Variants in GOLGA7B observed in about 807,000 individuals in gnomAD.
GOLGA7B encodes the protein golgin subfamily A member 7B.
Under a neutral mutation model 21.5 loss-of-function variants are expected in GOLGA7B, and 17 were observed. The observed-to-expected ratio is 0.79, with a 90% confidence interval of 0.54 to 1.19. The LOEUF (loss-of-function observed/expected upper bound fraction) is 1.19, where lower values mean the gene tolerates loss of function less well. Ranked by LOEUF, GOLGA7B falls within the 50% of genes most tolerant of loss-of-function variation. The pLI is 0.00. For synonymous variants in GOLGA7B, 87 were observed against 84.0 expected, an observed-to-expected ratio of 1.04 and a Z score of -0.19; for missense variants, 169 against 224.4, an observed-to-expected ratio of 0.75 and a Z score of 1.58.
chr10:97,858,865 C>A (rs1316232420), intron 1 of GOLGA7B, among the ~76,000 whole-genome samples: 48 of 152,224 alleles, frequency 3.2e-4, no homozygotes, highest in Admixed American at 3.1e-3. Context: ...GCCTGCAACT[C>A]TGTTGTGAGC....
intron 1 of GOLGA7B, among the ~76,000 whole-genome samples, chr10:97,856,964 T>C (rs2049938795): frequency 6.6e-6 from 1 of 152,224 alleles, no homozygotes; most frequent in African/African-American, 2.4e-5. Flanking sequence ...TCCTCATAGA[T>C]TCTGGATATT....
rs1209357912 is a variant in GOLGA7B, at chr10:97,868,852, C to CATA, written c.*3162_*3164dup. 2.0e-5 allele frequency: 3 copies of CATA among 152,156 alleles called. No homozygotes were observed. Among genetic ancestry groups the CATA allele is most frequent in the Non-Finnish European group, 4.4e-5 (3 of 68,040 alleles). 9.4% of individuals were successfully genotyped at this position (152,156 alleles called of 1,614,324 possible). On this transcript the variant is annotated 3_prime_UTR_variant, in exon 5 of 5. Coordinates refer to ENST00000370602, the MANE Select transcript of GOLGA7B (RefSeq NM_001010917.3). Reference sequence around the variant, plus strand: ...AACCCTTCCATTTTCAAATGGTAATCATAATAATAATAGTAGCTGACGTTT... The same window carrying CATA: ...AACCCTTCCATTTTCAAATGGTAATCATAATAATAATAATAGTAGCTGACGTTT...
intron 1 of GOLGA7B, among the ~76,000 whole-genome samples, chr10:97,852,212 T>C (rs899685286): frequency 6.6e-6 from 1 of 152,354 alleles, no homozygotes; most frequent in Non-Finnish European, 1.5e-5. Context: ...TGCTTTTTTT[T>C]CCTGCATCCA....
At chr10:97,858,471 CA>C (rs2049950198) in intron 1 of GOLGA7B, among the ~76,000 whole-genome samples, 1 of 152,134 alleles carries the variant, frequency 6.6e-6, no homozygotes, top group Admixed American at 6.5e-5. Flanking sequence ...ATATTTCAAC[CA>C]GTGGGATGCT....
Position 97,863,911 on chromosome 10 carries a change from G to C in GOLGA7B, c.139-19G>C. 6.2e-7 allele frequency: 1 copy of C among 1,603,402 alleles called. No homozygotes were observed. Among genetic ancestry groups the C allele is most frequent in the Non-Finnish European group, 8.5e-7 (1 of 1,174,246 alleles). On this transcript the variant is annotated intron_variant, in intron 2 of 4. Coordinates refer to ENST00000370602, the MANE Select transcript of GOLGA7B (RefSeq NM_001010917.3). ...CTCCAGGGAGGCTAACCGCAGCCTG[G>C]CTCTGTCCCTTTCTCCAGATCGAGC...
At position 97,870,953 on chromosome 10, in the gene GOLGA7B, C is replaced by T. The variant is rs2050086968; in HGVS notation, c.*5253C>T. 6.6e-6 allele frequency: 1 copy of T among 152,166 alleles called. No homozygotes were observed. Among genetic ancestry groups the T allele is most frequent in the Non-Finnish European group, 1.5e-5 (1 of 68,034 alleles). 9.4% of individuals were successfully genotyped at this position (152,166 alleles called of 1,614,324 possible). A position where few individuals can be genotyped will look rare whatever the true frequency, so the allele number is the denominator to read the frequency against. On this transcript the variant is annotated 3_prime_UTR_variant, in exon 5 of 5. Coordinates refer to ENST00000370602, the MANE Select transcript of GOLGA7B (RefSeq NM_001010917.3). ...GCAGATTCTCAAAGGGGTATGCAAC[C>T]CCCTAAAAAGGTTAAGAACAATTGG... is the stretch of plus-strand genomic sequence containing the variant.
intron 1 of GOLGA7B, among the ~76,000 whole-genome samples, chr10:97,850,936 C>CACTG (rs896716267): frequency 2.7e-5 from 4 of 150,372 alleles, no homozygotes; most frequent in Non-Finnish European, 5.9e-5. Context: ...CTTCAAGGTG[C>CACTG]ACTGATAGGT....
chr10:97,865,394 G>A (rs1048527653), intron 4 of GOLGA7B, 196 bp from the exon 5 acceptor site: 1 of 902,612 alleles, frequency 1.1e-6, no homozygotes, highest in Non-Finnish European at 1.6e-6. Flanking sequence ...GGCCTTACGA[G>A]TCTCCCTAAT....
chr10:97,863,672 T>G (rs1272733331), intron 2 of GOLGA7B, among the ~76,000 whole-genome samples: 1 of 152,236 alleles, frequency 6.6e-6, no homozygotes, highest in Non-Finnish European at 1.5e-5. Context: ...ATGAGGAAAC[T>G]GAAGCCTAGA....
rs60908270 is a variant in GOLGA7B at position 97,857,362 on chromosome 10, G to GACACACACACAC, written c.13-2064_13-2053dup. Among the ~76,000 whole-genome samples the GACACACACACAC allele has an allele frequency of 1.4e-3, 184 of 135,532 alleles. 1 individual carries two copies. Among genetic ancestry groups the GACACACACACAC allele is most frequent in the Non-Finnish European group, 1.7e-3 (106 of 63,090 alleles). The allele number at this position is 135,532 out of a possible 152,430, so 88.9% of individuals were successfully genotyped here. ...TTCCCCATCCCATTTACAATAGCCAGACACACACACACACACACACACACA... is the reference window on the plus strand; with the variant it reads ...TTCCCCATCCCATTTACAATAGCCAGACACACACACACACACACACACACACACACACACACA... On this transcript the variant is annotated intron_variant, in intron 1 of 4. Transcript: ENST00000370602.
intron 1 of GOLGA7B, among the ~76,000 whole-genome samples, chr10:97,854,651 A>G (rs1382275285): frequency 1.3e-5 from 2 of 152,182 alleles, no homozygotes; most frequent in African/African-American, 4.8e-5. Flanking sequence ...GGCTCAGGAT[A>G]TTGTTGGTGC....
Position 97,867,347 on chromosome 10 carries a change from G to T in GOLGA7B, c.*1647G>T, listed in dbSNP as rs1044831456. 5.9e-5 allele frequency: 9 copies of T among 152,280 alleles called. No individual in the cohort carries two copies. Among genetic ancestry groups the T allele is most frequent in the Non-Finnish European group, 1.0e-4 (7 of 68,068 alleles). 9.4% of individuals were successfully genotyped at this position (152,280 alleles called of 1,614,324 possible). On this transcript the variant is annotated 3_prime_UTR_variant, in exon 5 of 5. Coordinates refer to ENST00000370602, the MANE Select transcript of GOLGA7B (RefSeq NM_001010917.3). ...GTGTCCCGAAGATGAAATGAAGGGG[G>T]CTGCCTATCTCAGTTGGCGGGAGGT...
Position 97,849,942 on chromosome 10 carries a change from G to T in GOLGA7B, c.-362G>T, listed in dbSNP as rs895765976. 1 of 152,176 alleles carries T rather than the reference G, an allele frequency of 6.6e-6. No homozygotes were observed. Among genetic ancestry groups the T allele is most frequent in the Non-Finnish European group, 1.5e-5 (1 of 68,220 alleles). 9.4% of individuals were successfully genotyped at this position (152,176 alleles called of 1,614,324 possible). On this transcript the variant is annotated 5_prime_UTR_variant, in exon 1 of 5. Transcript: ENST00000370602. ...CCCTCCCGGCCAGCGGCGGCTCCTG[G>T]CCCCTCCTCCCCCGGCCGCCCCCAT...
rs2050081409 is a variant in GOLGA7B, at chr10:97,870,554, G to A, written c.*4854G>A. ...GGTGCTCACTTCATGAGAATTCACT[G>A]AGCTGTATACTTAAGAGCTGTGTAT... On this transcript the variant is annotated 3_prime_UTR_variant, in exon 5 of 5. Coordinates refer to ENST00000370602, the MANE Select transcript of GOLGA7B (RefSeq NM_001010917.3). 1 of 152,122 alleles carries A rather than the reference G, an allele frequency of 6.6e-6. No individual in the cohort carries two copies. Among genetic ancestry groups the A allele is most frequent in the African/African-American group, 2.4e-5 (1 of 41,422 alleles). The allele number at this position is 152,122 out of a possible 1,614,324, so 9.4% of individuals were successfully genotyped here. A position where few individuals can be genotyped will look rare whatever the true frequency, so the allele number is the denominator to read the frequency against.
Position 97,864,247 on chromosome 10 carries a change from C to CCCA in GOLGA7B, c.371_372insCCA (p.Pro124_Val125insHis). The CCCA allele has an allele frequency of 6.2e-7, 1 of 1,614,056 alleles. No individual in the cohort carries two copies. Among genetic ancestry groups the CCCA allele is most frequent in the Non-Finnish European group, 8.5e-7 (1 of 1,179,908 alleles). ...CCTCGAGGCCTCCTACTTACAGACC[C>CCCA]TGTGGAGCGTGGGATGAGGGTTGTA... On this transcript the variant is annotated inframe_insertion, in exon 4 of 5. Transcript: ENST00000370602.
intron 2 of GOLGA7B, 22 bp downstream of exon 2, chr10:97,859,605 C>CT (rs2049958523): frequency 6.2e-7 from 1 of 1,612,220 alleles, no homozygotes; most frequent in Admixed American, 1.7e-5. Context: ...TTTTTCTGCA[C>CT]TTGGAACCCA....
intron 1 of GOLGA7B, 41 bp downstream of exon 1, chr10:97,850,356 C>G (rs1488915813): frequency 6.7e-7 from 1 of 1,502,390 alleles, no homozygotes; most frequent in Admixed American, 2.1e-5. Flanking sequence ...GCCCGATTGC[C>G]GCGGGACCAA....
intron 1 of GOLGA7B, among the ~76,000 whole-genome samples, chr10:97,856,728 C>T (rs998451845): frequency 3.2e-4 from 49 of 152,186 alleles, no homozygotes; most frequent in Non-Finnish European, 1.5e-5. Context: ...TCCCTGTTCT[C>T]TGCATCTATG....
chr10:97,860,854 AG>A (rs2049967061), intron 2 of GOLGA7B, among the ~76,000 whole-genome samples: 1 of 152,190 alleles, frequency 6.6e-6, no homozygotes, highest in Admixed American at 6.5e-5. Flanking sequence ...CAGCTTGGGT[AG>A]GGCAGGGCAG....
Sources: gnomAD v4.1 joint callset for allele counts (sites outside exome capture counted in the v4.1 genomes callset) on GRCh38, gnomAD v4.1.1 for gene constraint, MANE v1.5 for transcripts, NCBI Gene and HGNC (gene_info 2026-07-23, HGNC 2026-07-21) for gene names.